The following GPHN variants were observed in gnomAD, a reference collection of about 807,000 sequenced individuals.
GPHN encodes the protein gephyrin.
GPHN carries 17 observed loss-of-function variants against 95.5 expected under a neutral mutation model. The observed-to-expected ratio is 0.18, with a 90% confidence interval of 0.12 to 0.27. The LOEUF (loss-of-function observed/expected upper bound fraction) is 0.27, where lower values mean the gene tolerates loss of function less well. Ranked by LOEUF, GPHN falls within the 10% of genes least tolerant of loss-of-function variation. GPHN has a pLI of 1.00. For synonymous variants in GPHN, 320 were observed against 322.5 expected, an observed-to-expected ratio of 0.99 and a Z score of 0.08; for missense variants, 660 against 978.1, an observed-to-expected ratio of 0.67 and a Z score of 4.34.
At chr14:67,239,708 T>C in the GPHN span, among the ~76,000 whole-genome samples, 1,401 of 152,220 alleles carry the variant, frequency 9.2e-3, 12 homozygotes, top group Non-Finnish European at 0.016. Context: ...ATACAAAAAT[T>C]AGCCGGGCGT....
At chr14:66,898,935 G>A (rs543915173) in intron 5 of GPHN, among the ~76,000 whole-genome samples, 2 of 151,808 alleles carry the variant, frequency 1.3e-5, no homozygotes, top group South Asian at 2.1e-4. Context: ...AACATGTTTC[G>A]TTAGATTTAC....
At chr14:67,643,810 C>A in the GPHN span, among the ~76,000 whole-genome samples, 4 of 125,234 alleles carry the variant, frequency 3.2e-5, no homozygotes, top group Admixed American at 2.9e-4. Flanking sequence ...GAAATGAAAT[C>A]TTTGTTACAT....
chr14:67,680,749 G>A, the GPHN span, among the ~76,000 whole-genome samples: 2 of 152,302 alleles, frequency 1.3e-5, no homozygotes, highest in East Asian at 1.9e-4. Flanking sequence ...GTGAGCCGCC[G>A]CGCCCAGCCA....
chr14:66,534,863 A>G (rs2139992163), intron 1 of GPHN, among the ~76,000 whole-genome samples: 1 of 152,214 alleles, frequency 6.6e-6, no homozygotes, highest in South Asian at 2.1e-4. Flanking sequence ...ATTTATAGGA[A>G]TTCCTTATGT....
intron 1 of GPHN, among the ~76,000 whole-genome samples, chr14:66,581,925 G>C (rs1288811211): frequency 6.6e-6 from 1 of 151,994 alleles, no homozygotes; most frequent in Non-Finnish European, 1.5e-5. Flanking sequence ...GAATGAGATA[G>C]ACTGCAATAT....
At chr14:67,108,218 C>G (rs569767371) in intron 13 of GPHN, among the ~76,000 whole-genome samples, 1 of 152,188 alleles carries the variant, frequency 6.6e-6, no homozygotes, top group East Asian at 1.9e-4. Context: ...AGAGGACTGC[C>G]CAACAGCAGC....
the GPHN span, among the ~76,000 whole-genome samples, chr14:67,193,390 G>T: frequency 8.3e-5 from 11 of 132,914 alleles, no homozygotes; most frequent in East Asian, 2.2e-4. Context: ...GATATATCTA[G>T]ATATATCTAG....
intron 5 of GPHN, among the ~76,000 whole-genome samples, chr14:66,897,175 A>G (rs752543969): frequency 2.0e-5 from 3 of 152,148 alleles, no homozygotes; most frequent in Non-Finnish European, 4.4e-5. Flanking sequence ...TATAGTACAA[A>G]ATTACAGTTG....
chr14:67,572,188 G>T, the GPHN span: 2 of 1,608,312 alleles, frequency 1.2e-6, no homozygotes, highest in Non-Finnish European at 1.7e-6. Context: ...CCCCCCGGAC[G>T]CCTGCTCACT....
intron 8 of GPHN, among the ~76,000 whole-genome samples, chr14:66,962,945 G>T (rs1158220001): frequency 5.3e-5 from 8 of 151,816 alleles, no homozygotes; most frequent in Non-Finnish European, 8.8e-5. Context: ...ATCCTAGATT[G>T]TTCAAGGAAA....
At chr14:67,655,321 T>G in the GPHN span, among the ~76,000 whole-genome samples, 1 of 152,130 alleles carries the variant, frequency 6.6e-6, no homozygotes, top group Non-Finnish European at 1.5e-5. Flanking sequence ...AGCAAGACCC[T>G]GTCTCTAAAA....
At chr14:66,867,533 A>G (rs996041968) in intron 4 of GPHN, among the ~76,000 whole-genome samples, 19 of 152,172 alleles carry the variant, frequency 1.2e-4, no homozygotes, top group African/African-American at 4.6e-4. Context: ...ATGATGTCCC[A>G]AGAAAAATAT....
chr14:67,585,455 G>A, the GPHN span: 15 of 690,104 alleles, frequency 2.2e-5, no homozygotes, highest in Admixed American at 3.8e-4. Context: ...AGATGAGGTG[G>A]CTGGAAATCA....
chr14:67,433,219 AT>A, the GPHN span, among the ~76,000 whole-genome samples: 1 of 152,182 alleles, frequency 6.6e-6, no homozygotes, highest in South Asian at 2.1e-4. Flanking sequence ...CTGCTGGCAG[AT>A]GCCCAGAAAC....
intron 2 of GPHN, among the ~76,000 whole-genome samples, chr14:66,761,623 C>T (rs1238775230): frequency 6.6e-6 from 1 of 151,382 alleles, no homozygotes; most frequent in Non-Finnish European, 1.5e-5. Context: ...AGTGACACTA[C>T]ACTCTAGAAT....
chr14:67,699,709 C>A, the GPHN span, among the ~76,000 whole-genome samples: 1 of 149,628 alleles, frequency 6.7e-6, no homozygotes, highest in African/African-American at 2.5e-5. Context: ...CAGTAAGTCA[C>A]AGGAATTACC....
At chr14:67,690,988 T>G in the GPHN span, 1 of 642,094 alleles carries the variant, frequency 1.6e-6, no homozygotes, top group Non-Finnish European at 2.8e-6. Context: ...CAGGTATTCC[T>G]CAGCTATCAG....
chr14:67,111,937 A>C lies in GPHN; in HGVS notation c.1472+18A>C. ...GATATCAGGTAACTTCAAAACACAT[A>C]GAATATATAGCCTACTTTTGTTTCT... is the stretch of plus-strand genomic sequence containing the variant. On this transcript the variant is annotated intron_variant, in intron 15 of 22. Transcript: ENST00000478722. 6.3e-7 allele frequency: 1 copy of C among 1,579,098 alleles called. No individual in the cohort carries two copies. The highest frequency in any genetic ancestry group is 8.7e-7 in the Non-Finnish European group (1 of 1,148,108).
the GPHN span, among the ~76,000 whole-genome samples, chr14:67,323,435 C>T: frequency 1.3e-5 from 2 of 151,396 alleles, no homozygotes; most frequent in Admixed American, 6.6e-5. Flanking sequence ...GACAACAAAG[C>T]GAGATCCTGT....
Sources: gnomAD v4.1 joint callset for allele counts (sites outside exome capture counted in the v4.1 genomes callset) on GRCh38, gnomAD v4.1.1 for gene constraint, MANE v1.5 for transcripts, NCBI Gene and HGNC (gene_info 2026-07-23, HGNC 2026-07-21) for gene names.